The following RC3H1 variants were observed in gnomAD, a reference collection of about 807,000 sequenced individuals.
RC3H1 encodes the protein ring finger and CCCH-type domains 1.
In RC3H1, 50 loss-of-function variants were observed where a neutral mutation model predicts 138.2. The ratio of observed to expected loss-of-function variants is 0.36; its 90% CI spans 0.29 to 0.46. RC3H1 has a LOEUF of 0.46. Ranked by LOEUF, RC3H1 falls within the 20% of genes least tolerant of loss-of-function variation. The pLI is 1.00. For synonymous variants in RC3H1, 462 were observed against 489.1 expected, an observed-to-expected ratio of 0.94 and a Z score of 0.73; for missense variants, 1,031 against 1,388.1, an observed-to-expected ratio of 0.74 and a Z score of 4.09.
At chr1:173,992,653 G>A (rs1661336364) in intron 2 of RC3H1, 102 bp downstream of exon 2, 3 of 870,188 alleles carry the variant, frequency 3.4e-6, no homozygotes, top group Non-Finnish European at 5.3e-6. Flanking sequence ...GTTTCTCTCA[G>A]GAGAAAAACA....
At chr1:174,017,797 A>AAAAC (rs1661888582) in intron 1 of RC3H1, among the ~76,000 whole-genome samples, 1 of 150,544 alleles carries the variant, frequency 6.6e-6, no homozygotes, top group Admixed American at 6.6e-5. Context: ...AAAAAAAAAA[A>AAAAC]AAAAAAAAAA....
intron 14 of RC3H1, among the ~76,000 whole-genome samples, chr1:173,949,371 CT>C (rs963586149): frequency 1.1e-3 from 153 of 143,790 alleles, no homozygotes; most frequent in African/African-American, 1.8e-3. Context: ...AATACCATTT[CT>C]TTTTTTTTTT....
chr1:173,995,464 G>A (rs1661439062), intron 1 of RC3H1, among the ~76,000 whole-genome samples: 2 of 151,126 alleles, frequency 1.3e-5, no homozygotes, highest in South Asian at 4.2e-4. Context: ...AACCTGGGAG[G>A]CAGAACTTGA....
At chr1:174,012,809 AAAAG>A (rs1402621816) in intron 1 of RC3H1, among the ~76,000 whole-genome samples, 4 of 151,530 alleles carry the variant, frequency 2.6e-5, no homozygotes, top group Non-Finnish European at 5.9e-5. Context: ...AAAAGAAAAG[AAAAG>A]AAAGAACTAG....
intron 13 of RC3H1, among the ~76,000 whole-genome samples, chr1:173,954,002 G>A (rs1036210264): frequency 6.6e-6 from 1 of 152,074 alleles, no homozygotes; most frequent in Non-Finnish European, 1.5e-5. Context: ...TCATGCCACT[G>A]CACTCCAGCC....
rs527441856 is a variant in RC3H1, at chr1:173,957,193, A to T, written c.2370+3884T>A. Among the ~76,000 whole-genome samples the T allele has an allele frequency of 3.9e-5, 6 of 152,292 alleles. No homozygotes were observed. The East Asian group carries it at 1.2e-3, about 29-fold the overall frequency. On this transcript the variant is annotated intron_variant, in intron 13 of 19. Coordinates refer to ENST00000367696, the MANE Select transcript of RC3H1 (RefSeq NM_172071.4). The stretch of plus-strand genomic sequence containing the variant: ...TCCTTAATACTCAGACATTATTATA[A>T]TTTTTATTAGGAGTAAAAATAACAA...
At chr1:173,999,673 CAT>C (rs1331316375) in intron 1 of RC3H1, among the ~76,000 whole-genome samples, 2 of 152,206 alleles carry the variant, frequency 1.3e-5, no homozygotes, top group Admixed American at 1.3e-4. Context: ...GAAAATCAAT[CAT>C]GTGTCAGTCA....
At chr1:173,965,235 CA>C in intron 9 of RC3H1, 115 bp from the exon 10 acceptor site, 1 of 949,530 alleles carries the variant, frequency 1.1e-6, no homozygotes, top group Non-Finnish European at 1.5e-6. Flanking sequence ...TTAACTCTAT[CA>C]GTGTGTATAT....
intron 17 of RC3H1, among the ~76,000 whole-genome samples, chr1:173,944,027 A>C (rs999798229): frequency 6.6e-6 from 1 of 151,932 alleles, no homozygotes; most frequent in Non-Finnish European, 1.5e-5. Flanking sequence ...CCAAAAAATT[A>C]GCCTGGGATG....
chr1:173,965,054 A>C lies in RC3H1; in HGVS notation c.1401T>G (p.Asn467Lys). 1 of 1,614,192 alleles carries C rather than the reference A, an allele frequency of 6.2e-7. No individual in the cohort carries two copies. The highest frequency in any genetic ancestry group is 8.5e-7 in the Non-Finnish European group (1 of 1,180,032). The part of the protein sequence containing the change: ...RPLSASLGQL[N>K]EVGLPSAAIL... ...TAGCTGCTGAAGGCAGGCCCACCTC[A>C]TTAAGTTGACCCAAAGAGGCACTCA... The change falls in exon 10 of 20, where the codon AAT becomes AAG. Residue 467 changes from asparagine (N) to lysine (K), a missense_variant. Around this residue, in one of 7 missense-constraint regions of RC3H1, gnomAD observed 716 missense variants for 837.9 expected, o/e 0.85. Transcript: ENST00000367696.
intron 18 of RC3H1, 146 bp from the exon 19 acceptor site, chr1:173,941,526 T>C: frequency 3.4e-6 from 2 of 585,754 alleles, no homozygotes; most frequent in Non-Finnish European, 6.1e-6. Context: ...ACTAAAAGAG[T>C]GACATACATA....
intron 9 of RC3H1, 23 bp from the exon 10 acceptor site, chr1:173,965,143 T>C (rs1194982847): frequency 1.9e-6 from 3 of 1,570,816 alleles, no homozygotes; most frequent in African/African-American, 2.8e-5. Context: ...CATAGGCACA[T>C]ATCAAAAAGC....
chr1:174,011,750 G>A (rs1394683814), intron 1 of RC3H1, among the ~76,000 whole-genome samples: 1 of 152,114 alleles, frequency 6.6e-6, no homozygotes, highest in East Asian at 1.9e-4. Flanking sequence ...GAAGATGCAA[G>A]TTCATATAGT....
Position 173,935,235 on chromosome 1 carries a change from ATAT to A in RC3H1, c.*3483_*3485del, listed in dbSNP as rs1658534229. On this transcript the variant is annotated 3_prime_UTR_variant, in exon 20 of 20. Coordinates refer to ENST00000367696, the MANE Select transcript of RC3H1 (RefSeq NM_172071.4). The stretch of plus-strand genomic sequence containing the variant: ...TGGACTTATCTTATGACAAAATTAT[ATAT>A]AAATTAGGCAAAAGAGCTACATATA... 6.6e-6 allele frequency: 1 copy of A among 152,214 alleles called. No individual in the cohort carries two copies. The highest frequency in any genetic ancestry group is 1.5e-5 in the Non-Finnish European group (1 of 68,034). 9.4% of individuals were successfully genotyped at this position (152,214 alleles called of 1,614,324 possible). A position where few individuals can be genotyped will look rare whatever the true frequency, so the allele number is the denominator to read the frequency against.
intron 1 of RC3H1, among the ~76,000 whole-genome samples, chr1:174,019,593 T>A (rs1019759396): frequency 2.0e-5 from 3 of 152,212 alleles, no homozygotes; most frequent in Admixed American, 1.3e-4. Context: ...CAAATTACCC[T>A]TTTTTATTTC....
At chr1:173,946,864 A>G in intron 15 of RC3H1, 28 bp from the exon 16 acceptor site, 1 of 1,420,418 alleles carries the variant, frequency 7.0e-7, no homozygotes, top group Non-Finnish European at 1.0e-6. Flanking sequence ...ATTATGGTAT[A>G]ATTCACAGAT....
At chr1:173,954,103 A>C (rs2102898116) in intron 13 of RC3H1, among the ~76,000 whole-genome samples, 1 of 152,300 alleles carries the variant, frequency 6.6e-6, no homozygotes, top group East Asian at 1.9e-4. Context: ...CATTCAAAGG[A>C]AAAGAAATCA....
chr1:173,972,586 C>T lies in RC3H1; in HGVS notation c.1144G>A (p.Val382Ile). The T allele has an allele frequency of 6.2e-7, 1 of 1,614,074 alleles. No homozygotes were observed. Among genetic ancestry groups the T allele is most frequent in the Non-Finnish European group, 8.5e-7 (1 of 1,179,950 alleles). Residue 382 changes from valine to isoleucine, a missense_variant, in exon 8 of 20, where the codon GTT becomes ATT. Physicochemically the swap from Val to Ile is conservative, Grantham distance 29 (BLOSUM62 3). Coordinates refer to ENST00000367696, the MANE Select transcript of RC3H1 (RefSeq NM_172071.4). Reference protein sequence around the residue: ...PTWEQLENGLVAVRTVVHGLV... With the variant: ...PTWEQLENGLIAVRTVVHGLV... ...CCATGTACCACTGTACGCACAGCAACCAGCCCATTTTCCAGCTGTTCCCAA... is the reference window on the plus strand; with the variant it reads ...CCATGTACCACTGTACGCACAGCAATCAGCCCATTTTCCAGCTGTTCCCAA...
intron 7 of RC3H1, among the ~76,000 whole-genome samples, chr1:173,973,731 C>T (rs1040605499): frequency 3.3e-5 from 5 of 152,170 alleles, no homozygotes; most frequent in African/African-American, 9.6e-5. Flanking sequence ...TAACTTCTTG[C>T]TCAGACACCC....
Sources: gnomAD v4.1 joint callset for allele counts (sites outside exome capture counted in the v4.1 genomes callset) on GRCh38, gnomAD v4.1.1 for gene constraint, gnomAD v4.1.1 regional missense constraint, MANE v1.5 for transcripts, NCBI Gene and HGNC (gene_info 2026-07-23, HGNC 2026-07-21) for gene names.